Variants in ZNF407 observed in about 807,000 individuals in gnomAD.
ZNF407 encodes zinc finger protein 407.
In ZNF407, 17 loss-of-function variants were observed where a neutral mutation model predicts 131.2. The observed-to-expected ratio is 0.13, with a 90% CI of 0.09 to 0.19. The LOEUF (loss-of-function observed/expected upper bound fraction) is 0.19. Among genes scored for constraint, ZNF407 ranks in the 10% least tolerant of loss-of-function variants. ZNF407 has a pLI of 1.00. For synonymous variants in ZNF407, 1,156 were observed against 1,062.0 expected (o/e 1.09, Z -1.72); for missense variants, 2,681 against 2,830.6 (o/e 0.95, Z 1.20).
At chr18:74,749,576 A>G (rs971379263) in intron 3 of ZNF407, among the ~76,000 whole-genome samples, 1 of 152,214 alleles carries the variant, frequency 6.6e-6, no homozygotes, top group Non-Finnish European at 1.5e-5. Context: ...ACTGCAGTGA[A>G]AGAAAAAGAG....
intron 3 of ZNF407, among the ~76,000 whole-genome samples, chr18:74,760,933 T>A (rs961578103): frequency 6.6e-6 from 1 of 152,194 alleles, no homozygotes; most frequent in African/African-American, 2.4e-5. Flanking sequence ...CCAGAGTTGG[T>A]AAAAAGTTGC....
At position 74,823,782 on chromosome 18, in the gene ZNF407, T is replaced by C. The variant is rs187487320; in HGVS notation, c.4877+42280T>C. Among the ~76,000 whole-genome samples, 3 of 152,316 alleles carry C rather than the reference T, an allele frequency of 2.0e-5. No individual in the cohort carries two copies. In the East Asian group the frequency reaches 5.8e-4, roughly 29 times the overall value. ...ATAGTGGGAGGCTTTATCACCCCAC[T>C]GTCAATATTAGACAGATTGACAAGA... On this transcript the variant is annotated intron_variant, in intron 4 of 8. Transcript: ENST00000299687.
At chr18:74,629,245 A>G (rs1222731646) in intron 1 of ZNF407, among the ~76,000 whole-genome samples, 1 of 152,118 alleles carries the variant, frequency 6.6e-6, no homozygotes, top group Non-Finnish European at 1.5e-5. Flanking sequence ...GAGTATAGCT[A>G]TCTTAGTGGG....
chr18:74,891,590 G>C (rs998350321), intron 7 of ZNF407, among the ~76,000 whole-genome samples: 5 of 152,034 alleles, frequency 3.3e-5, no homozygotes, highest in African/African-American at 1.2e-4. Context: ...TATGAGTTCT[G>C]TCTTCGCTTA....
intron 3 of ZNF407, among the ~76,000 whole-genome samples, chr18:74,678,151 T>C (rs1210039197): frequency 6.6e-6 from 1 of 152,170 alleles, no homozygotes; most frequent in East Asian, 1.9e-4. Flanking sequence ...GTCATGGACA[T>C]TTTGTTAGCA....
At chr18:74,851,784 C>T (rs1970787330) in intron 4 of ZNF407, among the ~76,000 whole-genome samples, 1 of 152,124 alleles carries the variant, frequency 6.6e-6, no homozygotes, top group Admixed American at 6.5e-5. Context: ...ACACAATCAG[C>T]AAGAGTGAAC....
intron 7 of ZNF407, among the ~76,000 whole-genome samples, chr18:74,902,440 G>T (rs1971539560): frequency 1.3e-5 from 2 of 152,136 alleles, no homozygotes. Flanking sequence ...ATGTCTTCCG[G>T]GAGTACTATA....
At chr18:74,619,076 T>C (rs971315349) in intron 1 of ZNF407, among the ~76,000 whole-genome samples, 10 of 152,238 alleles carry the variant, frequency 6.6e-5, no homozygotes, top group African/African-American at 2.4e-4. Flanking sequence ...AGAACAGTGG[T>C]TTATTTTCCC....
chr18:74,657,126 G>T, intron 3 of ZNF407, among the ~76,000 whole-genome samples: 1 of 138,472 alleles, frequency 7.2e-6, no homozygotes, highest in South Asian at 2.3e-4. Flanking sequence ...TAGTCTTCCT[G>T]TTTGCTTACG....
At chr18:74,949,067 G>A (rs536114850) in intron 8 of ZNF407, among the ~76,000 whole-genome samples, 58 of 152,250 alleles carry the variant, frequency 3.8e-4, no homozygotes, top group African/African-American at 1.3e-3. Context: ...AGAAGAACGC[G>A]AAGAAAACTA....
intron 1 of ZNF407, among the ~76,000 whole-genome samples, chr18:74,630,043 G>A (rs2144657389): frequency 6.6e-6 from 1 of 152,118 alleles, no homozygotes; most frequent in East Asian, 1.9e-4. Flanking sequence ...GCTTTTCATT[G>A]GTAAAAGAGC....
intron 8 of ZNF407, among the ~76,000 whole-genome samples, chr18:74,941,230 C>T (rs1460129622): frequency 6.6e-6 from 1 of 152,240 alleles, no homozygotes; most frequent in Non-Finnish European, 1.5e-5. Flanking sequence ...TTTCACTGAT[C>T]TCTCATGGCC....
intron 4 of ZNF407, among the ~76,000 whole-genome samples, chr18:74,794,829 TCTC>T (rs1253364060): frequency 6.6e-6 from 1 of 152,180 alleles, no homozygotes; most frequent in African/African-American, 2.4e-5. Context: ...CTTAATAACT[TCTC>T]AGCACTTTGA....
intron 3 of ZNF407, among the ~76,000 whole-genome samples, chr18:74,714,140 T>C (rs548029835): frequency 6.6e-6 from 1 of 152,356 alleles, no homozygotes; most frequent in South Asian, 2.1e-4. Context: ...AATCGCTTAT[T>C]ATAAAGAATA....
chr18:74,825,037 G>C (rs1410293774), intron 4 of ZNF407, among the ~76,000 whole-genome samples: 1 of 152,102 alleles, frequency 6.6e-6, no homozygotes, highest in Non-Finnish European at 1.5e-5. Context: ...TTCATACCTG[G>C]GATGCAAGGC....
intron 4 of ZNF407, among the ~76,000 whole-genome samples, chr18:74,809,866 G>A (rs1037248427): frequency 2.0e-5 from 3 of 152,218 alleles, no homozygotes; most frequent in African/African-American, 7.2e-5. Flanking sequence ...CCACAGTAAT[G>A]GGAGTGGTCA....
At chr18:74,986,966 A>G (rs934672231) in intron 8 of ZNF407, among the ~76,000 whole-genome samples, 2 of 152,146 alleles carry the variant, frequency 1.3e-5, no homozygotes, top group Non-Finnish European at 2.9e-5. Flanking sequence ...TATTGTGTCT[A>G]GTATTTGTTT....
intron 8 of ZNF407, among the ~76,000 whole-genome samples, chr18:74,941,432 G>A (rs954891081): frequency 2.6e-5 from 4 of 152,148 alleles, no homozygotes; most frequent in Non-Finnish European, 1.5e-5. Context: ...CTTTCATGTA[G>A]CTCCAGCTTG....
At chr18:74,785,867 CGTCA>C (rs1969698136) in intron 4 of ZNF407, among the ~76,000 whole-genome samples, 1 of 150,552 alleles carries the variant, frequency 6.6e-6, no homozygotes, top group Non-Finnish European at 1.5e-5. Flanking sequence ...ATGGCACACA[CGTCA>C]CTCACATGGC....
Sources: allele counts gnomAD v4.1 joint callset (sites outside exome capture counted in the v4.1 genomes callset), GRCh38; gene constraint gnomAD v4.1.1; transcripts MANE v1.5; gene names NCBI Gene and HGNC (gene_info 2026-07-23, HGNC 2026-07-21).